Variants in TAPT1 observed in about 807,000 individuals in gnomAD.
The protein encoded by TAPT1 is transmembrane anterior posterior transformation 1, also known as transmembrane anterior posterior transformation protein 1 homolog.
A neutral mutation model predicts 65.6 loss-of-function variants in TAPT1; 28 were observed. The ratio of observed to expected loss-of-function variants is 0.43; its 90% CI spans 0.32 to 0.59. The LOEUF (loss-of-function observed/expected upper bound fraction) is 0.59. Ranked by LOEUF, TAPT1 falls within the 20% of genes least tolerant of loss-of-function variation. The probability of loss-of-function intolerance (pLI) is 0.09; values close to 1 mark genes in which losing one functional copy is unlikely to be tolerated. For missense variants in TAPT1, 563 were observed against 679.9 expected (o/e 0.83, Z 1.91); for synonymous variants, 278 against 245.2 (o/e 1.13, Z -1.25).
chr4:16,181,152 A>G (rs1265888373), intron 7 of TAPT1, among the ~76,000 whole-genome samples: 2 of 152,246 alleles, frequency 1.3e-5, no homozygotes, highest in African/African-American at 4.8e-5. Context: ...TACTACAGCT[A>G]ACTGTGGATC....
chr4:16,226,986 G>A, upstream of TAPT1: 2 of 450,644 alleles, frequency 4.4e-6, no homozygotes, highest in East Asian at 7.0e-5. Context: ...TGGCACTGCT[G>A]GCGCGGCCGC....
Position 16,163,542 on chromosome 4 carries a change from G to A in TAPT1, c.1475-5C>T. The A allele has an allele frequency of 6.3e-7, 1 of 1,592,702 alleles. No individual in the cohort carries two copies. Among genetic ancestry groups the A allele is most frequent in the Non-Finnish European group, 8.6e-7 (1 of 1,161,802 alleles). Reference sequence around the variant, plus strand: ...GGTTTTCTTCTGTGGAAAGGCCTGTGATAAAATAGATCCATTAAATTAGAG... The same window carrying A: ...GGTTTTCTTCTGTGGAAAGGCCTGTAATAAAATAGATCCATTAAATTAGAG... On this transcript the variant is annotated splice_region_variant and splice_polypyrimidine_tract_variant and intron_variant, in intron 13 of 13. Coordinates refer to ENST00000405303, the MANE Select transcript of TAPT1 (RefSeq NM_153365.3).
intron 1 of TAPT1, chr4:16,225,879 C>T: frequency 1.0e-6 from 1 of 985,770 alleles, no homozygotes; most frequent in Non-Finnish European, 1.2e-6. Context: ...GTCACCTTGG[C>T]ATGAATATAA....
rs1376857901 is a variant in TAPT1, at chr4:16,163,045, T to A, written c.*263A>T. 1 of 552,256 alleles carries A rather than the reference T, an allele frequency of 1.8e-6. No individual in the cohort carries two copies. Among genetic ancestry groups the A allele is most frequent in the African/African-American group, 1.9e-5 (1 of 53,816 alleles). 34.2% of individuals were successfully genotyped at this position (552,256 alleles called of 1,614,324 possible). On this transcript the variant is annotated 3_prime_UTR_variant, in exon 14 of 14. Coordinates refer to ENST00000405303, the MANE Select transcript of TAPT1 (RefSeq NM_153365.3). ...TGTTGCCTTTGTTGGGTCCTGGAAATGATGCTGCTGCTTGGCCAGGCAGGA... is the reference window on the plus strand; with the variant it reads ...TGTTGCCTTTGTTGGGTCCTGGAAAAGATGCTGCTGCTTGGCCAGGCAGGA...
At chr4:16,163,559 A>G (rs13124849) in intron 13 of TAPT1, 22 bp from the exon 14 acceptor site, 2 of 1,551,430 alleles carry the variant, frequency 1.3e-6, no homozygotes, top group African/African-American at 2.7e-5. Context: ...TAGATCCATT[A>G]AATTAGAGAA....
At chr4:16,214,712 T>C (rs1334960680) in intron 1 of TAPT1, 1 of 152,234 alleles carries the variant, frequency 6.6e-6, no homozygotes, top group Non-Finnish European at 1.5e-5. Context: ...ATCCCCTCAA[T>C]GACCCTCAGC....
chr4:16,173,502 T>A (rs1371858592), intron 11 of TAPT1, among the ~76,000 whole-genome samples: 1 of 151,688 alleles, frequency 6.6e-6, no homozygotes, highest in African/African-American at 2.4e-5. Context: ...CACTGCAAGC[T>A]CCACCTCCCA....
chr4:16,227,024 C>T, upstream of TAPT1: 2 of 453,600 alleles, frequency 4.4e-6, no homozygotes, highest in South Asian at 3.1e-5. Flanking sequence ...TCCAGATCAC[C>T]GACCCCCACG....
intron 4 of TAPT1, 26 bp from the exon 5 acceptor site, chr4:16,188,381 T>C (rs2149689181): frequency 1.3e-6 from 2 of 1,497,532 alleles, no homozygotes; most frequent in African/African-American, 1.4e-5. Context: ...ATTTGTAAGA[T>C]GTTTCTTAAT....
At chr4:16,175,357 T>C (rs1748256443) in intron 9 of TAPT1, among the ~76,000 whole-genome samples, 1 of 152,132 alleles carries the variant, frequency 6.6e-6, no homozygotes, top group African/African-American at 2.4e-5. Context: ...AGTACAAAAC[T>C]GTATTTACTT....
At chr4:16,209,109 G>A (rs953122347) in intron 2 of TAPT1, among the ~76,000 whole-genome samples, 8 of 152,134 alleles carry the variant, frequency 5.3e-5, no homozygotes, top group East Asian at 1.9e-4. Context: ...AGCATGTGTC[G>A]GTGGTTTCCT....
intron 3 of TAPT1, among the ~76,000 whole-genome samples, chr4:16,197,136 CAA>C (rs1407789833): frequency 3.9e-5 from 6 of 152,158 alleles, no homozygotes; most frequent in Non-Finnish European, 7.3e-5. Context: ...TTCTGGGAGA[CAA>C]GAGCTCTCCC....
chr4:16,207,329 ATAGTCATTACGTT>A (rs1265429055), intron 2 of TAPT1, among the ~76,000 whole-genome samples: 2 of 152,250 alleles, frequency 1.3e-5, no homozygotes, highest in Non-Finnish European at 2.9e-5. Context: ...AGGGGAAACA[ATAGTCATTACGTT>A]TTCTTAACAT....
intron 2 of TAPT1, among the ~76,000 whole-genome samples, chr4:16,205,652 T>C (rs982973693): frequency 6.6e-6 from 1 of 151,956 alleles, no homozygotes; most frequent in Non-Finnish European, 1.5e-5. Flanking sequence ...GTGCAAGAGA[T>C]AGCAGAGATG....
intron 12 of TAPT1, among the ~76,000 whole-genome samples, chr4:16,169,258 C>T (rs1292936409): frequency 2.6e-5 from 4 of 152,194 alleles, no homozygotes; most frequent in African/African-American, 9.7e-5. Context: ...GATTAAAGCA[C>T]ATACCCCTGG....
intron 2 of TAPT1, among the ~76,000 whole-genome samples, chr4:16,205,089 C>T (rs958926194): frequency 1.1e-4 from 16 of 151,812 alleles, no homozygotes; most frequent in African/African-American, 3.1e-4. Context: ...CAAGTAAAAA[C>T]GCCAGCCTCT....
At chr4:16,200,212 G>A (rs1300143045) in intron 3 of TAPT1, among the ~76,000 whole-genome samples, 1 of 152,128 alleles carries the variant, frequency 6.6e-6, no homozygotes, top group African/African-American at 2.4e-5. Context: ...TTTAAAAGCC[G>A]TCCACATAAA....
At chr4:16,198,581 A>G (rs994353454) in intron 3 of TAPT1, among the ~76,000 whole-genome samples, 1 of 152,214 alleles carries the variant, frequency 6.6e-6, no homozygotes, top group African/African-American at 2.4e-5. Context: ...AATTATTTAA[A>G]AAATTGCAAT....
At chr4:16,220,170 T>C (rs766211187) in intron 1 of TAPT1, among the ~76,000 whole-genome samples, 3 of 152,262 alleles carry the variant, frequency 2.0e-5, no homozygotes, top group Admixed American at 2.0e-4. Flanking sequence ...TGAACTTATC[T>C]GTCCTATAAT....
Sources: gnomAD v4.1 joint callset for allele counts (sites outside exome capture counted in the v4.1 genomes callset) on GRCh38, gnomAD v4.1.1 for gene constraint, MANE v1.5 for transcripts, NCBI Gene and HGNC (gene_info 2026-07-23, HGNC 2026-07-21) for gene names.